Variants in DNAH17 observed in about 807,000 individuals in gnomAD.
DNAH17 encodes the protein axonemal beta dynein heavy chain 17.
A neutral mutation model predicts 485.6 loss-of-function variants in DNAH17; 376 were observed. That is an observed-to-expected ratio of 0.77 (90% CI 0.71 to 0.84). The LOEUF is 0.84. Among genes scored for constraint, DNAH17 ranks in the 40% least tolerant of loss-of-function variants. The pLI is 0.00. For synonymous variants in DNAH17, 3,031 were observed against 2,405.9 expected (o/e 1.26, Z -7.60); for missense variants, 6,370 against 5,839.3 (o/e 1.09, Z -2.96).
At chr17:78,534,567 G>A (rs1461986665) in intron 19 of DNAH17, among the ~76,000 whole-genome samples, 1 of 152,232 alleles carries the variant, frequency 6.6e-6, no homozygotes, top group Non-Finnish European at 1.5e-5. Context: ...TCTGCTCAGG[G>A]TTGGGAGTGC....
intron 48 of DNAH17, among the ~76,000 whole-genome samples, chr17:78,481,509 T>A (rs899348092): frequency 6.6e-6 from 1 of 152,170 alleles, no homozygotes; most frequent in African/African-American, 2.4e-5. Context: ...GGGTTTATGT[T>A]CCAGCTCTTC....
intron 56 of DNAH17, 28 bp from the exon 57 acceptor site, chr17:78,463,105 C>A: frequency 6.2e-7 from 1 of 1,604,904 alleles, no homozygotes; most frequent in East Asian, 2.2e-5. Context: ...CCAGTCATCC[C>A]TGGGACCCCA....
chr17:78,490,643 A>G, intron 44 of DNAH17, 56 bp downstream of exon 44: 1 of 1,548,694 alleles, frequency 6.5e-7, no homozygotes, highest in South Asian at 1.2e-5. Flanking sequence ...AAACAGGCCA[A>G]CAAGTTCGTT....
At chr17:78,504,503 G>A (rs1352773707) in intron 31 of DNAH17, among the ~76,000 whole-genome samples, 4 of 111,048 alleles carry the variant, frequency 3.6e-5, no homozygotes, top group African/African-American at 1.4e-4. Context: ...CCCCATCCAC[G>A]TAGAGCAGGC....
At chr17:78,440,989 T>C in intron 72 of DNAH17, 62 bp downstream of exon 72, 2 of 1,546,854 alleles carry the variant, frequency 1.3e-6, no homozygotes, top group Non-Finnish European at 1.7e-6. Context: ...TGCATTTTCC[T>C]GGTGCCTGGT....
At chr17:78,478,846 CCAT>C in intron 51 of DNAH17, 176 bp downstream of exon 51, 3 of 590,802 alleles carry the variant, frequency 5.1e-6, no homozygotes, top group Non-Finnish European at 9.0e-6. Context: ...ACCATTACCA[CCAT>C]CACTACCACT....
intron 27 of DNAH17, among the ~76,000 whole-genome samples, chr17:78,508,884 C>T (rs958596953): frequency 1.3e-5 from 2 of 151,762 alleles, no homozygotes; most frequent in African/African-American, 4.8e-5. Context: ...TCACCGCAGC[C>T]TCCATCTCCT....
intron 51 of DNAH17, among the ~76,000 whole-genome samples, chr17:78,477,201 C>A (rs920071478): frequency 3.3e-5 from 5 of 152,122 alleles, no homozygotes; most frequent in Non-Finnish European, 5.9e-5. Flanking sequence ...TGCAACAGAA[C>A]CTGACGCTGT....
chr17:78,541,796 G>C (rs190286670), intron 17 of DNAH17, among the ~76,000 whole-genome samples: 1 of 152,104 alleles, frequency 6.6e-6, no homozygotes, highest in Non-Finnish European at 1.5e-5. Context: ...TCTCTCCTGT[G>C]CTCTGTTTCC....
intron 31 of DNAH17, among the ~76,000 whole-genome samples, chr17:78,504,834 C>G (rs1322123648): frequency 6.6e-6 from 1 of 151,098 alleles, no homozygotes; most frequent in Non-Finnish European, 1.5e-5. Flanking sequence ...GATGTGCAAC[C>G]CCTTTTAAAG....
intron 54 of DNAH17, among the ~76,000 whole-genome samples, chr17:78,472,472 T>TGGCGGGGA (rs976137723): frequency 1.3e-5 from 2 of 152,174 alleles, no homozygotes; most frequent in South Asian, 2.1e-4. Context: ...TGCAGGAAGC[T>TGGCGGGGA]GGCGGGGAGG....
chr17:78,468,431 G>A (rs541386155), intron 55 of DNAH17, among the ~76,000 whole-genome samples, 186 bp downstream of exon 55: 9 of 151,980 alleles, frequency 5.9e-5, no homozygotes, highest in Admixed American at 4.6e-4. Flanking sequence ...TACCTCTAAC[G>A]ACCCACGTGA....
At chr17:78,504,838 T>G (rs1221182704) in intron 31 of DNAH17, among the ~76,000 whole-genome samples, 1 of 151,026 alleles carries the variant, frequency 6.6e-6, no homozygotes, top group African/African-American at 2.4e-5. Flanking sequence ...TGCAACCCCT[T>G]TTAAAGCAGT....
chr17:78,479,517 C>G lies in DNAH17; in HGVS notation c.7868G>C (p.Arg2623Thr). ...AFRSVSMAIQ[R>T]ISSQLVAAAL... is the part of the protein sequence containing the mutation. ...CGCGGCCACCAGCTGGCTGCTTATC[C>G]TCTGGATAGCCATGGAGACCGAGCG... The change falls in exon 50 of 81, where the codon AGG (arginine) becomes ACG (threonine). Residue 2623 changes from arginine to threonine, a missense_variant. Coordinates refer to ENST00000389840, the MANE Select transcript of DNAH17 (RefSeq NM_173628.4). The G allele has an allele frequency of 6.2e-7, 1 of 1,613,290 alleles. No homozygotes were observed. Among genetic ancestry groups the G allele is most frequent in the Non-Finnish European group, 8.5e-7 (1 of 1,179,824 alleles).
chr17:78,435,489 A>G lies in DNAH17; in HGVS notation c.12034-1269T>C, dbSNP rs376291304. Among the ~76,000 whole-genome samples the G allele has an allele frequency of 9.2e-5, 14 of 152,036 alleles. 1 individual carries two copies. In the East Asian group the frequency reaches 1.2e-3, roughly 13 times the overall value. ...CACTCCCTGGCTACCCACCTCCCCA[A>G]CCAGAGATGGGATGAGGTGCCACTC... On this transcript the variant is annotated intron_variant, in intron 74 of 80. Coordinates refer to ENST00000389840, the MANE Select transcript of DNAH17 (RefSeq NM_173628.4).
chr17:78,544,800 C>CAAAAAAAAAAAAAAAA (rs55669221), intron 16 of DNAH17, among the ~76,000 whole-genome samples: 3 of 46,878 alleles, frequency 6.4e-5, no homozygotes, highest in East Asian at 6.1e-4. Flanking sequence ...GACTCAGTCT[C>CAAAAAAAAAAAAAAAA]AAAAAAAAAA....
intron 74 of DNAH17, among the ~76,000 whole-genome samples, chr17:78,436,757 A>G (rs2146443782): frequency 6.6e-6 from 1 of 152,120 alleles, no homozygotes; most frequent in East Asian, 1.9e-4. Flanking sequence ...AGGCACAAGA[A>G]TTGCTTGAAC....
chr17:78,541,896 G>C (rs1156654584), intron 17 of DNAH17, among the ~76,000 whole-genome samples: 3 of 152,238 alleles, frequency 2.0e-5, no homozygotes, highest in Admixed American at 6.5e-5. Flanking sequence ...GGGAGCTACT[G>C]GCACCGTGGC....
chr17:78,559,644 A>G (rs2092108436), intron 13 of DNAH17, among the ~76,000 whole-genome samples: 1 of 152,148 alleles, frequency 6.6e-6, no homozygotes, highest in African/African-American at 2.4e-5. Context: ...CGCACCTCAC[A>G]GCGTGGAGAA....
Sources: allele counts gnomAD v4.1 joint callset (sites outside exome capture counted in the v4.1 genomes callset), GRCh38; gene constraint gnomAD v4.1.1; transcripts MANE v1.5; gene names NCBI Gene and HGNC (gene_info 2026-07-23, HGNC 2026-07-21).